Variants in IMMP2L observed in about 807,000 individuals in gnomAD.
The protein encoded by IMMP2L is mitochondrial inner membrane protease subunit 2.
A neutral mutation model predicts 19.3 loss-of-function variants in IMMP2L; 18 were observed. That is an observed-to-expected ratio of 0.93 (90% CI 0.64 to 1.38). The LOEUF is 1.38. IMMP2L is among the 40% of genes most tolerant of loss of function. The pLI is 0.00. For missense variants in IMMP2L, 233 were observed against 218.2 expected (o/e 1.07, Z -0.43); for synonymous variants, 76 against 73.0 (o/e 1.04, Z -0.21).
At chr7:111,447,488 T>C (rs1393156171) in intron 3 of IMMP2L, among the ~76,000 whole-genome samples, 1 of 146,744 alleles carries the variant, frequency 6.8e-6, no homozygotes, top group Non-Finnish European at 1.5e-5. Flanking sequence ...AATAAAATAC[T>C]TTACAGACAA....
At chr7:111,374,424 C>T (rs1830507281) in intron 3 of IMMP2L, among the ~76,000 whole-genome samples, 1 of 152,036 alleles carries the variant, frequency 6.6e-6, no homozygotes, top group South Asian at 2.1e-4. Flanking sequence ...TGATGAGAAG[C>T]TAGTTCTCAA....
At chr7:110,768,472 C>T (rs923526677) in intron 5 of IMMP2L, among the ~76,000 whole-genome samples, 1 of 152,022 alleles carries the variant, frequency 6.6e-6, no homozygotes, top group Non-Finnish European at 1.5e-5. Flanking sequence ...AGAGGAGTGA[C>T]CTGATTTTCA....
intron 3 of IMMP2L, among the ~76,000 whole-genome samples, chr7:111,322,108 C>T (rs1013054139): frequency 6.6e-6 from 1 of 151,906 alleles, no homozygotes; most frequent in African/African-American, 2.4e-5. Context: ...TGCCAAGAGA[C>T]ATCCCTACAG....
rs558194099 is a variant in IMMP2L at position 111,100,322 on chromosome 7, T to G, written c.240-136757A>C. Among the ~76,000 whole-genome samples, 26 of 150,982 alleles carry G rather than the reference T, an allele frequency of 1.7e-4. No homozygotes were observed. In the South Asian group the frequency reaches 5.2e-3, roughly 30 times the overall value. ...CCTTAGAGAAGCATTTGACTTTTTATGCAGAAGCATCTAACAACAGGCTCT... is the reference window on the plus strand; with the variant it reads ...CCTTAGAGAAGCATTTGACTTTTTAGGCAGAAGCATCTAACAACAGGCTCT... On this transcript the variant is annotated intron_variant, in intron 3 of 5. Transcript: ENST00000405709.
chr7:110,819,333 A>G (rs1403526657), intron 5 of IMMP2L, among the ~76,000 whole-genome samples: 2 of 151,914 alleles, frequency 1.3e-5, no homozygotes, highest in African/African-American at 4.8e-5. Context: ...TGGAACTGAG[A>G]AAGGCCTTCA....
At chr7:110,717,203 G>C (rs368336510) in intron 5 of IMMP2L, among the ~76,000 whole-genome samples, 1 of 152,196 alleles carries the variant, frequency 6.6e-6, no homozygotes, top group Non-Finnish European at 1.5e-5. Flanking sequence ...CAAGCCGGGC[G>C]TGGTGGCACA....
At chr7:111,061,309 T>C (rs1030881864) in intron 3 of IMMP2L, among the ~76,000 whole-genome samples, 15 of 152,126 alleles carry the variant, frequency 9.9e-5, no homozygotes, top group African/African-American at 2.9e-4. Flanking sequence ...AGGTGATCAA[T>C]GAAGCAGGAA....
intron 3 of IMMP2L, among the ~76,000 whole-genome samples, chr7:111,077,977 T>C (rs1795558184): frequency 6.6e-6 from 1 of 152,236 alleles, no homozygotes; most frequent in South Asian, 2.1e-4. Context: ...TGTTACCTTC[T>C]AAGGCTGAAC....
intron 3 of IMMP2L, among the ~76,000 whole-genome samples, chr7:111,275,159 C>T (rs929616016): frequency 7.2e-5 from 11 of 152,078 alleles, no homozygotes; most frequent in Admixed American, 6.6e-4. Flanking sequence ...AGGATCTGCT[C>T]ACAGAGACAA....
At chr7:111,349,308 A>T (rs1827896872) in intron 3 of IMMP2L, among the ~76,000 whole-genome samples, 1 of 152,158 alleles carries the variant, frequency 6.6e-6, no homozygotes, top group African/African-American at 2.4e-5. Flanking sequence ...AGCAGCTGCT[A>T]TGTTAGGCAT....
intron 5 of IMMP2L, among the ~76,000 whole-genome samples, chr7:110,844,428 C>A (rs1805435348): frequency 6.6e-6 from 1 of 151,696 alleles, no homozygotes; most frequent in Non-Finnish European, 1.5e-5. Flanking sequence ...ATAATGGAGT[C>A]ATAGAAGAGT....
chr7:110,943,808 C>T (rs1238626918), intron 4 of IMMP2L, among the ~76,000 whole-genome samples: 2 of 151,980 alleles, frequency 1.3e-5, no homozygotes, highest in Non-Finnish European at 2.9e-5. Flanking sequence ...ATATCCTCAT[C>T]CCCTTTGCTA....
At chr7:110,984,910 G>A (rs1821701232) in intron 3 of IMMP2L, among the ~76,000 whole-genome samples, 1 of 151,930 alleles carries the variant, frequency 6.6e-6, no homozygotes, top group Non-Finnish European at 1.5e-5. Flanking sequence ...TGGACCTTTG[G>A]GTCCCTATTT....
chr7:111,470,544 T>C (rs1340153972), intron 3 of IMMP2L, among the ~76,000 whole-genome samples: 2 of 151,680 alleles, frequency 1.3e-5, no homozygotes, highest in Admixed American at 6.6e-5. Context: ...TATGCAGCCA[T>C]AAAAAATGAT....
intron 5 of IMMP2L, among the ~76,000 whole-genome samples, chr7:110,732,996 C>G (rs1796372497): frequency 6.6e-6 from 1 of 152,026 alleles, no homozygotes; most frequent in South Asian, 2.1e-4. Context: ...CTATGATTCC[C>G]AGGCTGATCT....
chr7:110,686,244 A>C (rs941650192), intron 5 of IMMP2L, among the ~76,000 whole-genome samples: 1 of 152,042 alleles, frequency 6.6e-6, no homozygotes, highest in Non-Finnish European at 1.5e-5. Context: ...TTATCTTCCT[A>C]GCACTCTGAG....
chr7:110,773,914 A>AAT (rs1554412900), intron 5 of IMMP2L, among the ~76,000 whole-genome samples: 2 of 151,752 alleles, frequency 1.3e-5, no homozygotes, highest in African/African-American at 4.8e-5. Flanking sequence ...TAAAATAAAA[A>AAT]AAAAAAAATG....
At chr7:110,679,859 A>G (rs1305659702) in intron 5 of IMMP2L, among the ~76,000 whole-genome samples, 1 of 152,258 alleles carries the variant, frequency 6.6e-6, no homozygotes, top group Admixed American at 6.5e-5. Flanking sequence ...TGCTGTGACT[A>G]GCACCATATC....
chr7:111,231,269 CA>C (rs760103872), intron 3 of IMMP2L, among the ~76,000 whole-genome samples: 1 of 151,880 alleles, frequency 6.6e-6, no homozygotes. Flanking sequence ...ACAATTAATG[CA>C]TTAGTGCTTA....
Sources: allele counts gnomAD v4.1 joint callset (sites outside exome capture counted in the v4.1 genomes callset), GRCh38; gene constraint gnomAD v4.1.1; transcripts MANE v1.5; gene names NCBI Gene and HGNC (gene_info 2026-07-23, HGNC 2026-07-21).